The following RANBP17 variants were observed in gnomAD, a reference collection of about 807,000 sequenced individuals.
RANBP17 encodes RAN binding protein 17.
In RANBP17, 158 loss-of-function variants were observed where a neutral mutation model predicts 141.2. The observed-to-expected ratio is 1.12, with a 90% CI of 0.98 to 1.28. The LOEUF is 1.28. Among genes scored for constraint, RANBP17 ranks in the 50% most tolerant of loss-of-function variants. The pLI, the probability that RANBP17 is intolerant of heterozygous loss-of-function variation, is 0.00. For synonymous variants in RANBP17, 430 were observed against 450.0 expected, an observed-to-expected ratio of 0.96 and a Z score of 0.56; for missense variants, 1,438 against 1,290.7, an observed-to-expected ratio of 1.11 and a Z score of -1.75.
At position 171,084,458 on chromosome 5, in the gene RANBP17, G is replaced by A. The variant is rs200615224; in HGVS notation, c.1711-85672G>A. Among the ~76,000 whole-genome samples, 11 of 63,942 alleles carry A rather than the reference G, an allele frequency of 1.7e-4. 1 individual carries two copies. The highest frequency in any genetic ancestry group is 3.3e-4 in the Non-Finnish European group (10 of 30,196). 41.9% of individuals were successfully genotyped at this position (63,942 alleles called of 152,430 possible). ...TGTCTTTATAGCAGCATGATTTATA[G>A]TCCTTTGGGTATATACCCAGTAATG... On this transcript the variant is annotated intron_variant, in intron 14 of 27. Coordinates refer to ENST00000523189, the MANE Select transcript of RANBP17 (RefSeq NM_022897.5).
chr5:171,032,548 TATTA>T (rs1229446443), intron 14 of RANBP17, among the ~76,000 whole-genome samples: 1 of 152,128 alleles, frequency 6.6e-6, no homozygotes, highest in Non-Finnish European at 1.5e-5. Flanking sequence ...GGAAGACTAA[TATTA>T]ATTTTATTCC....
At chr5:170,918,609 G>A (rs1014363215) in intron 9 of RANBP17, 104 bp from the exon 10 acceptor site, 2 of 818,150 alleles carry the variant, frequency 2.4e-6, no homozygotes, top group African/African-American at 3.6e-5. Flanking sequence ...AGTATTTTAA[G>A]TACTCATGAA....
chr5:171,170,961 A>G (rs948422794), intron 15 of RANBP17, among the ~76,000 whole-genome samples: 6 of 152,108 alleles, frequency 3.9e-5, no homozygotes, highest in African/African-American at 9.7e-5. Context: ...CACTTAGACA[A>G]CTTTTTAATT....
intron 1 of RANBP17, among the ~76,000 whole-genome samples, chr5:170,875,601 A>G (rs930027889): frequency 2.0e-5 from 3 of 152,092 alleles, no homozygotes; most frequent in Non-Finnish European, 2.9e-5. Flanking sequence ...TGATTTGGCT[A>G]TTGATACTTG....
intron 7 of RANBP17, chr5:170,911,403 C>T (rs190712470): frequency 1.7e-6 from 1 of 583,484 alleles, no homozygotes; most frequent in Non-Finnish European, 3.1e-6. Context: ...AAGTCAAGAG[C>T]TATGATTTGA....
chr5:171,254,720 T>A (rs1313706734), intron 24 of RANBP17, among the ~76,000 whole-genome samples: 2 of 152,220 alleles, frequency 1.3e-5, no homozygotes, highest in Non-Finnish European at 2.9e-5. Context: ...AGTAGCCGAA[T>A]GTAACTTGCA....
Position 171,054,625 on chromosome 5 carries a change from G to A in RANBP17, c.1710+86248G>A, listed in dbSNP as rs866260026. Among the ~76,000 whole-genome samples, 8 of 152,240 alleles carry A rather than the reference G, an allele frequency of 5.3e-5. No individual in the cohort carries two copies. In the South Asian group the frequency reaches 1.7e-3, roughly 32 times the overall value. ...CTTTACCACATCCTTTTGTCAGCAAGGACTTTGTGACCTGTACCTTTTGCC... is the reference window on the plus strand; with the variant it reads ...CTTTACCACATCCTTTTGTCAGCAAAGACTTTGTGACCTGTACCTTTTGCC... On this transcript the variant is annotated intron_variant, in intron 14 of 27. Transcript: ENST00000523189.
intron 16 of RANBP17, among the ~76,000 whole-genome samples, chr5:171,180,001 T>C (rs1226125224): frequency 6.6e-6 from 1 of 152,218 alleles, no homozygotes; most frequent in African/African-American, 2.4e-5. Context: ...TTTTTCTTCA[T>C]GTGTCATCCT....
chr5:171,150,749 A>T (rs559252207), intron 14 of RANBP17, among the ~76,000 whole-genome samples: 2 of 152,334 alleles, frequency 1.3e-5, no homozygotes, highest in East Asian at 3.9e-4. Context: ...AAATTCTGTC[A>T]TACCCAAGAG....
At chr5:171,186,298 A>G (rs1306167963) in intron 18 of RANBP17, among the ~76,000 whole-genome samples, 2 of 152,142 alleles carry the variant, frequency 1.3e-5, no homozygotes, top group Admixed American at 1.3e-4. Context: ...GGTCTTAGCT[A>G]GATCTTCAGT....
At chr5:171,279,309 C>T (rs150273338) in intron 25 of RANBP17, among the ~76,000 whole-genome samples, 6 of 152,204 alleles carry the variant, frequency 3.9e-5, no homozygotes, top group South Asian at 2.1e-4. Context: ...AGCAGAATAC[C>T]GTAGATTGAG....
At chr5:170,926,198 A>G (rs1772906722) in intron 12 of RANBP17, among the ~76,000 whole-genome samples, 1 of 140,150 alleles carries the variant, frequency 7.1e-6, no homozygotes, top group Non-Finnish European at 1.6e-5. Flanking sequence ...GTCTGCCTTT[A>G]GCCAGGAAGC....
intron 14 of RANBP17, chr5:171,161,573 G>A (rs1306183758): frequency 5.6e-6 from 1 of 178,116 alleles, no homozygotes; most frequent in African/African-American, 2.4e-5. Context: ...CAATGATTAA[G>A]TGTAGGCATG....
At position 171,016,176 on chromosome 5, in the gene RANBP17, CT is replaced by C. The variant is rs377305717; in HGVS notation, c.1710+47816del. 6.3e-3 allele frequency among the ~76,000 whole-genome samples: 685 copies of C among 109,028 alleles called. 2 individuals are homozygous for C. The highest frequency in any genetic ancestry group is 0.014 in the African/African-American group (420 of 29,938). 71.5% of individuals were successfully genotyped at this position (109,028 alleles called of 152,430 possible). On this transcript the variant is annotated intron_variant, in intron 14 of 27. Coordinates refer to ENST00000523189, the MANE Select transcript of RANBP17 (RefSeq NM_022897.5). Reference sequence around the variant, plus strand: ...GTGTCCTGTTTCTTAGGGATCACTGCTTTTTTTTTTTTTTTTTGCTTGACTC... The same window carrying C: ...GTGTCCTGTTTCTTAGGGATCACTGCTTTTTTTTTTTTTTTTGCTTGACTC...
chr5:171,034,005 A>G (rs1175978704), intron 14 of RANBP17, among the ~76,000 whole-genome samples: 1 of 152,156 alleles, frequency 6.6e-6, no homozygotes, highest in African/African-American at 2.4e-5. Flanking sequence ...TCAGCTTCTC[A>G]GGAGACTGAA....
intron 19 of RANBP17, among the ~76,000 whole-genome samples, chr5:171,203,004 G>T (rs1762385420): frequency 1.3e-5 from 2 of 152,040 alleles, no homozygotes; most frequent in African/African-American, 4.8e-5. Context: ...CTCACACTTG[G>T]CACACAGACA....
intron 13 of RANBP17, among the ~76,000 whole-genome samples, chr5:170,956,515 G>A (rs1303805854): frequency 5.3e-5 from 8 of 151,756 alleles, no homozygotes; most frequent in African/African-American, 1.9e-4. Context: ...GGTGTTTGGG[G>A]CCTCCTTAAA....
intron 14 of RANBP17, among the ~76,000 whole-genome samples, chr5:171,115,919 A>G (rs1755592856): frequency 6.6e-6 from 1 of 152,222 alleles, no homozygotes; most frequent in South Asian, 2.1e-4. Flanking sequence ...ATGCTAACCT[A>G]GAACGGTATC....
At position 170,965,622 on chromosome 5, in the gene RANBP17, G is replaced by A. The variant is rs920340043; in HGVS notation, c.1575-2620G>A. On this transcript the variant is annotated intron_variant, in intron 13 of 27. Transcript: ENST00000523189. ...AGTTTCAGCTTTCTATATATGGCTA[G>A]CCAGTTTTCCCAGCACCATTTATTA... Among the ~76,000 whole-genome samples, 1,339 of 152,230 alleles carry A rather than the reference G, an allele frequency of 8.8e-3. 26 individuals are homozygous for A. The highest frequency in any genetic ancestry group is 0.029 in the African/African-American group (1,220 of 41,534).
Sources: gnomAD v4.1 joint callset for allele counts (sites outside exome capture counted in the v4.1 genomes callset) on GRCh38, gnomAD v4.1.1 for gene constraint, MANE v1.5 for transcripts, NCBI Gene and HGNC (gene_info 2026-07-23, HGNC 2026-07-21) for gene names.